RBFOX1: variants seen among roughly 807,000 people sequenced by gnomAD.
RBFOX1 encodes RNA binding fox-1 homolog 1.
In RBFOX1, 8 loss-of-function variants were observed where a neutral mutation model predicts 57.7. That is an observed-to-expected ratio of 0.14 (90% CI 0.08 to 0.25). The LOEUF (loss-of-function observed/expected upper bound fraction) is 0.25. Ranked by LOEUF, RBFOX1 falls within the 10% of genes least tolerant of loss-of-function variation. RBFOX1 has a pLI of 1.00. For synonymous variants in RBFOX1, 326 were observed against 222.4 expected (o/e 1.47, Z -4.15); for missense variants, 611 against 548.5 (o/e 1.11, Z -1.14).
chr16:7,046,534 A>G (rs1420891146), intron 3 of RBFOX1, among the ~76,000 whole-genome samples: 3 of 147,972 alleles, frequency 2.0e-5, no homozygotes, highest in African/African-American at 7.8e-5. Flanking sequence ...TTGTGCCTCA[A>G]TAAAGATGGG....
intron 2 of RBFOX1, among the ~76,000 whole-genome samples, chr16:5,538,623 T>C (rs960291338): frequency 1.3e-5 from 2 of 151,370 alleles, no homozygotes; most frequent in African/African-American, 4.8e-5. Flanking sequence ...TTTCTTCTTT[T>C]TTTTTTTTTT....
chr16:6,842,640 T>TA (rs397966578), intron 3 of RBFOX1, among the ~76,000 whole-genome samples: 27 of 138,640 alleles, frequency 1.9e-4, no homozygotes, highest in African/African-American at 6.9e-4. Context: ...CTGTTTTTTT[T>TA]AAATCTATTT....
At chr16:6,325,494 G>T (rs1011246235) in intron 2 of RBFOX1, among the ~76,000 whole-genome samples, 43 of 152,202 alleles carry the variant, frequency 2.8e-4, no homozygotes, top group Non-Finnish European at 3.2e-4. Flanking sequence ...AAGAAAAACA[G>T]TAATGATATT....
chr16:5,487,124 C>T (rs970674372), intron 2 of RBFOX1, among the ~76,000 whole-genome samples: 2 of 152,182 alleles, frequency 1.3e-5, no homozygotes, highest in African/African-American at 2.4e-5. Context: ...GGGAGTTCTC[C>T]AGACAATGTC....
chr16:6,556,210 T>C (rs1001596428), intron 2 of RBFOX1, among the ~76,000 whole-genome samples: 5 of 152,190 alleles, frequency 3.3e-5, no homozygotes, highest in Non-Finnish European at 5.9e-5. Context: ...GAATTGGGTG[T>C]TCTTTATCAA....
intron 2 of RBFOX1, among the ~76,000 whole-genome samples, chr16:6,621,652 A>G (rs2098233889): frequency 6.6e-6 from 1 of 152,342 alleles, no homozygotes; most frequent in Middle Eastern, 3.4e-3. Flanking sequence ...AATTGACTAC[A>G]CATATTACTG....
At chr16:5,279,213 G>A (rs2063212908) in intron 1 of RBFOX1, among the ~76,000 whole-genome samples, 2 of 152,244 alleles carry the variant, frequency 1.3e-5, no homozygotes, top group East Asian at 3.9e-4. Flanking sequence ...TAACCCACGA[G>A]CATGAGATGC....
chr16:6,482,101 A>T (rs1171971480), intron 2 of RBFOX1, among the ~76,000 whole-genome samples: 1 of 152,240 alleles, frequency 6.6e-6, no homozygotes, highest in African/African-American at 2.4e-5. Context: ...CCAATGCATA[A>T]AATCCTAATC....
At chr16:7,025,609 G>A (rs2040667475) in intron 3 of RBFOX1, among the ~76,000 whole-genome samples, 1 of 152,106 alleles carries the variant, frequency 6.6e-6, no homozygotes, top group Non-Finnish European at 1.5e-5. Flanking sequence ...TCAGAGCTAA[G>A]GAGACCTGGG....
At chr16:5,999,916 A>T (rs1413601116) in intron 4 of RBFOX1, among the ~76,000 whole-genome samples, 3 of 137,446 alleles carry the variant, frequency 2.2e-5, no homozygotes, top group South Asian at 2.4e-4. Context: ...AAGAGTGAAG[A>T]AGGGAAATCA....
rs117931923 is a variant in RBFOX1, at chr16:7,323,976, C to G, written c.28-194171C>G. Among the ~76,000 whole-genome samples, 114 of 152,214 alleles carry G rather than the reference C, an allele frequency of 7.5e-4. No individual in the cohort carries two copies. In the East Asian group the frequency reaches 0.02, roughly 27 times the overall value. On this transcript the variant is annotated intron_variant, in intron 4 of 15. Transcript: ENST00000550418. ...ATGGATGGTGTGTTGGTCATCAAAT[C>G]AGTTTTGGAAAGTCTGGATCAAACA...
Position 6,013,861 on chromosome 16 carries a change from GA to G in RBFOX1, c.351+146535del, listed in dbSNP as rs925374244. 5.6e-5 allele frequency among the ~76,000 whole-genome samples: 8 copies of G among 141,706 alleles called. No individual in the cohort carries two copies. In the East Asian group the frequency reaches 6.3e-4, roughly 11 times the overall value. 93.0% of individuals were successfully genotyped at this position (141,706 alleles called of 152,430 possible). ...ATCATTCTCAGCAAACTATGGCAAGGAAAAAAAAACAAACACCGCATGTTTT... is the reference window on the plus strand; with the variant it reads ...ATCATTCTCAGCAAACTATGGCAAGGAAAAAAAACAAACACCGCATGTTTT... On this transcript the variant is annotated intron_variant, in intron 4 of 19. Transcript: ENST00000641259.
intron 1 of RBFOX1, among the ~76,000 whole-genome samples, chr16:6,296,423 C>CTTT: frequency 6.9e-6 from 1 of 144,298 alleles, no homozygotes; most frequent in Admixed American, 6.9e-5. Context: ...AGGGGATGTA[C>CTTT]TTTTTTTTTT....
At chr16:6,408,682 A>C (rs1045028901) in intron 2 of RBFOX1, among the ~76,000 whole-genome samples, 1 of 152,098 alleles carries the variant, frequency 6.6e-6, no homozygotes, top group African/African-American at 2.4e-5. Context: ...GTTGTCTGTA[A>C]CATGTTTTGT....
At chr16:6,126,127 C>T (rs1253269992) in intron 1 of RBFOX1, among the ~76,000 whole-genome samples, 1 of 152,150 alleles carries the variant, frequency 6.6e-6, no homozygotes, top group Non-Finnish European at 1.5e-5. Context: ...GTTTCCACTT[C>T]AGCCAGGAAA....
chr16:6,474,630 G>A (rs2095244804), intron 2 of RBFOX1, among the ~76,000 whole-genome samples: 1 of 152,088 alleles, frequency 6.6e-6, no homozygotes, highest in African/African-American at 2.4e-5. Flanking sequence ...GCCCCAAGTG[G>A]GGCAGGTGGA....
intron 7 of RBFOX1, among the ~76,000 whole-genome samples, chr16:7,592,736 A>G (rs2094507035): frequency 6.6e-6 from 1 of 152,220 alleles, no homozygotes; most frequent in South Asian, 2.1e-4. Flanking sequence ...CTGTACCTCT[A>G]CATGTAAGCT....
chr16:7,239,522 G>A (rs1314055888), intron 4 of RBFOX1, among the ~76,000 whole-genome samples: 1 of 151,964 alleles, frequency 6.6e-6, no homozygotes, highest in Non-Finnish European at 1.5e-5. Context: ...AATAAAAATT[G>A]GAATCGGCTG....
chr16:7,329,751 A>T (rs1250078974), intron 4 of RBFOX1, among the ~76,000 whole-genome samples: 2 of 152,202 alleles, frequency 1.3e-5, no homozygotes, highest in South Asian at 2.1e-4. Context: ...ACACAAGATA[A>T]GGAAGATATT....
Sources: gnomAD v4.1 joint callset for allele counts (sites outside exome capture counted in the v4.1 genomes callset) on GRCh38, gnomAD v4.1.1 for gene constraint, MANE v1.5 for transcripts, NCBI Gene and HGNC (gene_info 2026-07-23, HGNC 2026-07-21) for gene names.